The following PAQR8 variants were observed in gnomAD, a reference collection of about 807,000 sequenced individuals.
PAQR8 encodes membrane progestin receptor beta.
In PAQR8, 17 loss-of-function variants were observed where a neutral mutation model predicts 25.2. The observed-to-expected ratio is 0.67, with a 90% CI of 0.46 to 1.01. The LOEUF is 1.01. Among genes scored for constraint, PAQR8 ranks in the 50% least tolerant of loss-of-function variants. The pLI, the probability that PAQR8 is intolerant of heterozygous loss-of-function variation, is 0.00. For missense variants in PAQR8, 392 were observed against 448.4 expected (o/e 0.87, Z 1.14); for synonymous variants, 204 against 190.6 (o/e 1.07, Z -0.58).
intron 1 of PAQR8, among the ~76,000 whole-genome samples, chr6:52,386,225 G>A (rs1763631658): frequency 6.6e-6 from 1 of 152,068 alleles, no homozygotes; most frequent in Non-Finnish European, 1.5e-5. Context: ...CAGAGGTTAG[G>A]GAACGTTTAT....
intron 1 of PAQR8, among the ~76,000 whole-genome samples, chr6:52,392,056 T>G (rs1763714405): frequency 1.3e-5 from 2 of 152,110 alleles, no homozygotes; most frequent in Admixed American, 1.3e-4. Flanking sequence ...CACCAAGGCA[T>G]AGAGAGGTTG....
intron 1 of PAQR8, among the ~76,000 whole-genome samples, chr6:52,383,670 A>AC (rs1328476280): frequency 2.0e-5 from 3 of 151,774 alleles, no homozygotes; most frequent in Non-Finnish European, 2.9e-5. Flanking sequence ...CAAAAAAAAA[A>AC]AAAAAAACCA....
intron 1 of PAQR8, among the ~76,000 whole-genome samples, chr6:52,398,252 G>A (rs1314710004): frequency 2.8e-5 from 4 of 140,764 alleles, no homozygotes; most frequent in Non-Finnish European, 4.5e-5. Flanking sequence ...TGTTGCCCAC[G>A]CTGGAGTGCA....
At position 52,402,320 on chromosome 6, in the gene PAQR8, C is replaced by T. The variant is rs548792; in HGVS notation, c.-52-842C>T. On this transcript the variant is annotated intron_variant, in intron 1 of 1. Coordinates refer to ENST00000442253, the MANE Select transcript of PAQR8 (RefSeq NM_133367.5). ...CGGAAGTTGCAGTGAACCAAGATTGCGCCACTGCATCCCAGCTGGGCGACA... is the reference window on the plus strand; with the variant it reads ...CGGAAGTTGCAGTGAACCAAGATTGTGCCACTGCATCCCAGCTGGGCGACA... Among the ~76,000 whole-genome samples, 324 of 143,196 alleles carry T rather than the reference C, an allele frequency of 2.3e-3. 4 individuals carry two copies. The highest frequency in any genetic ancestry group is 7.9e-3 in the African/African-American group (302 of 38,310). 93.9% of individuals were successfully genotyped at this position (143,196 alleles called of 152,430 possible).
rs1436920633 is a variant in PAQR8 at position 52,403,723 on chromosome 6, C to T, written c.510C>T (p.Ala170=). The change falls in exon 2 of 2, where the codon GCC becomes GCT. Residue 170 remains alanine, a synonymous_variant. Coordinates refer to ENST00000442253, the MANE Select transcript of PAQR8 (RefSeq NM_133367.5). ...LAHFFYSSDQ[A]WYDRFWLFFL... is the part of the protein sequence containing the mutation. ...ATTTCTTCTACAGCTCTGACCAGGC[C>T]TGGTATGACCGGTTCTGGCTTTTCT... 6.2e-7 allele frequency: 1 copy of T among 1,614,262 alleles called. No individual in the cohort carries two copies.
chr6:52,369,095 A>C (rs556413293), intron 1 of PAQR8, among the ~76,000 whole-genome samples: 4 of 152,352 alleles, frequency 2.6e-5, no homozygotes, highest in African/African-American at 9.6e-5. Context: ...AGGAATATTC[A>C]ATACCATATC....
chr6:52,395,178 C>T (rs986828609), intron 1 of PAQR8, among the ~76,000 whole-genome samples: 1 of 146,872 alleles, frequency 6.8e-6, no homozygotes, highest in East Asian at 2.0e-4. Flanking sequence ...GAGGCTGAGA[C>T]AGGAGAATTG....
At position 52,403,341 on chromosome 6, in the gene PAQR8, C is replaced by G. The variant is rs1418079041; in HGVS notation, c.128C>G (p.Pro43Arg). 1 of 1,614,236 alleles carries G rather than the reference C, an allele frequency of 6.2e-7. No homozygotes were observed. The highest frequency in any genetic ancestry group is 1.3e-5 in the African/African-American group (1 of 75,068). ...MPCTVPETDV[P>R]QLFREPYIRT... ...TGCACTGTCCCAGAAACGGATGTGC[C>G]CCAGCTCTTCCGGGAGCCTTACATC... Residue 43 changes from proline (P) to arginine (R), a missense_variant, in exon 2 of 2, where the codon CCC becomes CGC. By Grantham distance (103) the Pro-to-Arg change is moderately radical. Coordinates refer to ENST00000442253, the MANE Select transcript of PAQR8 (RefSeq NM_133367.5).
At chr6:52,363,045 G>T (rs1763309540) in intron 1 of PAQR8, among the ~76,000 whole-genome samples, 1 of 152,100 alleles carries the variant, frequency 6.6e-6, no homozygotes, top group Non-Finnish European at 1.5e-5. Context: ...AGAACGCAGC[G>T]CCCTCGGTGG....
chr6:52,402,527 G>C (rs1763845177), intron 1 of PAQR8, among the ~76,000 whole-genome samples: 1 of 149,546 alleles, frequency 6.7e-6, no homozygotes, highest in Non-Finnish European at 1.5e-5. Flanking sequence ...TGAGGCAGGA[G>C]AATTGCTTGA....
Position 52,405,199 on chromosome 6 carries a change from A to C in PAQR8, c.*921A>C, listed in dbSNP as rs1763893535. ...CACCAGGGAATCGCCATATTTGACC[A>C]GCATGTTTTAAAAGCTCTTGGTAGG... On this transcript the variant is annotated 3_prime_UTR_variant, in exon 2 of 2. Coordinates refer to ENST00000442253, the MANE Select transcript of PAQR8 (RefSeq NM_133367.5). 6.0e-6 allele frequency: 1 copy of C among 166,946 alleles called. No individual in the cohort carries two copies. The highest frequency in any genetic ancestry group is 2.4e-5 in the African/African-American group (1 of 41,454). The allele number at this position is 166,946 out of a possible 1,614,324, so 10.3% of individuals were successfully genotyped here.
intron 1 of PAQR8, among the ~76,000 whole-genome samples, chr6:52,374,996 A>G (rs899032170): frequency 2.6e-5 from 4 of 151,240 alleles, no homozygotes; most frequent in Non-Finnish European, 4.4e-5. Context: ...TTCAGGGACA[A>G]TGTATTTTAT....
intron 1 of PAQR8, among the ~76,000 whole-genome samples, chr6:52,364,249 A>ATCTT (rs896555628): frequency 4.6e-5 from 7 of 152,064 alleles, no homozygotes; most frequent in Non-Finnish European, 1.0e-4. Context: ...TGAAAAGGAA[A>ATCTT]TCTTTAATAA....
At chr6:52,400,673 C>A (rs979974962) in intron 1 of PAQR8, among the ~76,000 whole-genome samples, 7 of 152,226 alleles carry the variant, frequency 4.6e-5, no homozygotes, top group Non-Finnish European at 8.8e-5. Context: ...CTTCAAGATT[C>A]AGTTCAGGGT....
chr6:52,402,257 GGGAGGCTGAGGCA>G (rs1763841223), intron 1 of PAQR8, among the ~76,000 whole-genome samples: 2 of 152,096 alleles, frequency 1.3e-5, no homozygotes, highest in Non-Finnish European at 2.9e-5. Flanking sequence ...CCAGCTACTT[GGGAGGCTGAGGCA>G]GGAGAATTGC....
intron 1 of PAQR8, among the ~76,000 whole-genome samples, chr6:52,366,180 A>C (rs995841853): frequency 9.9e-5 from 15 of 151,942 alleles, no homozygotes; most frequent in Admixed American, 2.6e-4. Context: ...ATATATATGT[A>C]CATATATTAG....
intron 1 of PAQR8, among the ~76,000 whole-genome samples, chr6:52,371,722 A>G (rs1334794624): frequency 6.6e-6 from 1 of 152,268 alleles, no homozygotes; most frequent in East Asian, 1.9e-4. Flanking sequence ...GCTACCATGT[A>G]TTGAGCAATC....
chr6:52,379,275 G>T (rs1022557846), intron 1 of PAQR8, among the ~76,000 whole-genome samples: 2 of 152,064 alleles, frequency 1.3e-5, no homozygotes, highest in East Asian at 1.9e-4. Context: ...GTAGAATGGC[G>T]GTTGCCAGGG....
intron 1 of PAQR8, among the ~76,000 whole-genome samples, chr6:52,375,059 A>T (rs1366568562): frequency 6.6e-6 from 1 of 152,076 alleles, no homozygotes; most frequent in East Asian, 1.9e-4. Context: ...TATTGATATG[A>T]TCACTACTTT....
Sources: gnomAD v4.1 joint callset for allele counts (sites outside exome capture counted in the v4.1 genomes callset) on GRCh38, gnomAD v4.1.1 for gene constraint, MANE v1.5 for transcripts, NCBI Gene and HGNC (gene_info 2026-07-23, HGNC 2026-07-21) for gene names.